HEATR4: variants seen among roughly 807,000 people sequenced by gnomAD.
HEATR4 encodes HEAT repeat containing 4.
HEATR4 carries 95 observed loss-of-function variants against 108.8 expected under a neutral mutation model. The observed-to-expected ratio is 0.87, with a 90% CI of 0.74 to 1.04. The LOEUF (loss-of-function observed/expected upper bound fraction) is 1.04. Among genes scored for constraint, HEATR4 ranks in the 50% least tolerant of loss-of-function variants. The pLI is 0.00. For missense variants in HEATR4, 1,152 were observed against 1,253.8 expected (o/e 0.92, Z 1.23); for synonymous variants, 443 against 459.4 (o/e 0.96, Z 0.46).
At chr14:73,625,379 T>C in the HEATR4 span, among the ~76,000 whole-genome samples, 1 of 145,742 alleles carries the variant, frequency 6.9e-6, no homozygotes, top group African/African-American at 2.6e-5. Flanking sequence ...TTTTATTTTT[T>C]AGACAGAGTT....
At chr14:73,590,074 T>C in the HEATR4 span, among the ~76,000 whole-genome samples, 16 of 152,128 alleles carry the variant, frequency 1.1e-4, 1 homozygote, top group East Asian at 7.7e-4. Context: ...AGAACAAACC[T>C]TCCCGCAACG....
At chr14:73,619,917 CTCTT>C in the HEATR4 span, 1 of 1,348,582 alleles carries the variant, frequency 7.4e-7, no homozygotes, top group Non-Finnish European at 9.8e-7. Context: ...TCTTTCTTTT[CTCTT>C]TTTTTTTTTT....
intron 17 of HEATR4, among the ~76,000 whole-genome samples, chr14:73,480,411 G>C (rs142935791): frequency 6.5e-4 from 99 of 152,296 alleles, no homozygotes; most frequent in African/African-American, 2.2e-3. Context: ...CTGTACTCTA[G>C]CCTGGGCGAC....
chr14:73,497,447 C>T (rs1170570234), intron 14 of HEATR4, among the ~76,000 whole-genome samples: 1 of 152,166 alleles, frequency 6.6e-6, no homozygotes, highest in Admixed American at 6.5e-5. Context: ...ATAATGTAGA[C>T]TATCACCTGC....
At chr14:73,569,600 C>G in the HEATR4 span, 57 of 1,601,228 alleles carry the variant, frequency 3.6e-5, 1 homozygote, top group South Asian at 1.1e-5. Context: ...ACACTCTTGG[C>G]GAGCTGGACC....
rs544017542 is a variant in HEATR4 at position 73,491,708 on chromosome 14, C to A, written c.2844+1358G>T. The A allele has an allele frequency of 7.9e-5, 122 of 1,550,138 alleles. No homozygotes were observed. The African/African-American group carries it at 1.6e-3, about 20-fold the overall frequency. On this transcript the variant is annotated intron_variant, in intron 17 of 17. Transcript: ENST00000553558. ...ATGGGAGCGCGAGGCGGTGCTGGTGCGGCGGCAGGACCACACCTACTACCA... is the reference window on the plus strand; with the variant it reads ...ATGGGAGCGCGAGGCGGTGCTGGTGAGGCGGCAGGACCACACCTACTACCA...
chr14:73,627,810 G>A, the HEATR4 span, among the ~76,000 whole-genome samples: 1 of 127,034 alleles, frequency 7.9e-6, no homozygotes, highest in African/African-American at 3.2e-5. Flanking sequence ...GGGGCTGAAA[G>A]TCCCAACAAT....
rs3813562 is a variant in HEATR4 at position 73,519,196 on chromosome 14, A to G, written c.1070-33T>C. Reference sequence around the variant, plus strand: ...CAGACAAAGAAACAATGAGTCCCCTATAACCTCCCTATTTCCTTTCTCCCT... The same window carrying G: ...CAGACAAAGAAACAATGAGTCCCCTGTAACCTCCCTATTTCCTTTCTCCCT... On this transcript the variant is annotated intron_variant, in intron 4 of 17. Coordinates refer to ENST00000553558, the MANE Select transcript of HEATR4 (RefSeq NM_001220484.1). 6.0e-4 allele frequency: 952 copies of G among 1,588,638 alleles called. 18 individuals carry two copies. The East Asian group carries it at 0.019, about 32-fold the overall frequency.
intron 1 of HEATR4, among the ~76,000 whole-genome samples, chr14:73,546,663 C>A (rs1889237842): frequency 8.7e-6 from 1 of 115,198 alleles, no homozygotes; most frequent in Admixed American, 1.0e-4. Context: ...CGGGCCCAGC[C>A]TAGTTAGTCT....
intron 17 of HEATR4, chr14:73,491,841 T>G (rs765306782): frequency 6.2e-7 from 1 of 1,608,710 alleles, no homozygotes; most frequent in African/African-American, 1.3e-5. Flanking sequence ...CGCGAGACCC[T>G]GAACCCACCC....
chr14:73,505,961 G>A (rs1185477276), intron 10 of HEATR4, among the ~76,000 whole-genome samples: 2 of 147,292 alleles, frequency 1.4e-5, no homozygotes, highest in Non-Finnish European at 3.0e-5. Flanking sequence ...TGAGATCTTG[G>A]TTCACTGCAA....
chr14:73,484,844 AC>A (rs1885391483), intron 17 of HEATR4, among the ~76,000 whole-genome samples: 1 of 151,400 alleles, frequency 6.6e-6, no homozygotes. Flanking sequence ...ACACACACAC[AC>A]ACACACACAC....
At chr14:73,529,336 C>T (rs1473679065) in intron 2 of HEATR4, 1 of 118,018 alleles carries the variant, frequency 8.5e-6, no homozygotes, top group African/African-American at 3.4e-5. Context: ...GCCTGGGCAA[C>T]AGAGTGAGAC....
At chr14:73,566,169 C>T in the HEATR4 span, among the ~76,000 whole-genome samples, 1 of 152,056 alleles carries the variant, frequency 6.6e-6, no homozygotes, top group African/African-American at 2.4e-5. Context: ...GTTTACAAAC[C>T]TTGAGCTAGA....
chr14:73,575,562 A>G, the HEATR4 span: 1 of 1,540,768 alleles, frequency 6.5e-7, no homozygotes, highest in Non-Finnish European at 8.7e-7. Context: ...TCCTGGAAAC[A>G]TCTGCCACAT....
At chr14:73,619,920 T>TC in the HEATR4 span, 6,902 of 312,252 alleles carry the variant, frequency 0.022, 12 homozygotes, top group Non-Finnish European at 0.026. Context: ...TTCTTTTCTC[T>TC]TTTTTTTTTT....
chr14:73,491,523 G>A, intron 17 of HEATR4: 1 of 1,522,820 alleles, frequency 6.6e-7, no homozygotes, highest in Non-Finnish European at 8.8e-7. Flanking sequence ...ACGGCGTCGG[G>A]GCCGCAGGTG....
Position 73,493,102 on chromosome 14 carries a change from T to G in HEATR4, c.2808A>C (p.Arg936Ser). The change falls in exon 17 of 18, where the codon AGA becomes AGC. Residue 936 changes from arginine (R) to serine (S), a missense_variant. Physicochemically the swap from Arg to Ser is moderately radical, Grantham distance 110. Transcript: ENST00000553558. Reference protein sequence around the residue: ...TFQDEMVLPRRPSEVCDTEAV... With the variant: ...TFQDEMVLPRSPSEVCDTEAV... ...CTTCAGTGTCACAAACCTCGGAAGG[T>G]CTTCTAGGAAGAACCATCTCATCTA... is the stretch of plus-strand genomic sequence containing the variant. The G allele has an allele frequency of 6.2e-7, 1 of 1,612,342 alleles. No individual in the cohort carries two copies. The highest frequency in any genetic ancestry group is 8.5e-7 in the Non-Finnish European group (1 of 1,179,788).
the HEATR4 span, chr14:73,573,344 T>G: frequency 6.2e-7 from 1 of 1,612,508 alleles, no homozygotes; most frequent in Non-Finnish European, 8.5e-7. Flanking sequence ...TCCAACTGTT[T>G]CAGGAATAGC....
Sources: gnomAD v4.1 joint callset for allele counts (sites outside exome capture counted in the v4.1 genomes callset) on GRCh38, gnomAD v4.1.1 for gene constraint, MANE v1.5 for transcripts, NCBI Gene and HGNC (gene_info 2026-07-23, HGNC 2026-07-21) for gene names.